Variants in TNS3 observed in about 807,000 individuals in gnomAD.
TNS3 encodes the protein tensin 3, also known as tensin-3.
In TNS3, 45 loss-of-function variants were observed where a neutral mutation model predicts 140.9. The observed-to-expected ratio is 0.32, with a 90% CI of 0.25 to 0.41. TNS3 has a LOEUF of 0.41. Ranked by LOEUF, TNS3 falls within the 10% of genes least tolerant of loss-of-function variation. The pLI is 1.00. For missense variants in TNS3, 1,716 were observed against 1,906.7 expected (o/e 0.90, Z 1.86); for synonymous variants, 815 against 788.4 (o/e 1.03, Z -0.56).
At chr7:47,418,513 C>T (rs1355624991) in intron 10 of TNS3, among the ~76,000 whole-genome samples, 1 of 152,170 alleles carries the variant, frequency 6.6e-6, no homozygotes, top group Non-Finnish European at 1.5e-5. Flanking sequence ...AATGTTCCTA[C>T]TTAGTCAACA....
intron 13 of TNS3, among the ~76,000 whole-genome samples, chr7:47,409,044 A>G (rs943878747): frequency 3.9e-5 from 6 of 152,020 alleles, no homozygotes; most frequent in Non-Finnish European, 7.4e-5. Flanking sequence ...CAAAACATTA[A>G]AAAAAAAGAC....
chr7:47,577,600 A>T (rs1001787273), intron 1 of TNS3, among the ~76,000 whole-genome samples: 2 of 152,172 alleles, frequency 1.3e-5, no homozygotes, highest in Non-Finnish European at 2.9e-5. Context: ...TATCCTCACA[A>T]CACACACAAG....
chr7:47,437,895 G>C (rs1217806440), intron 6 of TNS3, among the ~76,000 whole-genome samples: 1 of 151,050 alleles, frequency 6.6e-6, no homozygotes, highest in Non-Finnish European at 1.5e-5. Flanking sequence ...ACATGGTGGG[G>C]AAGGCTGTCC....
rs182460188 is a variant in TNS3, at chr7:47,548,535, T to G, written c.-264-19388A>C. Reference sequence around the variant, plus strand: ...CATTTTATTCCAATCCCAGCCGCATTTGAACACACCATCTCCTGATGCATT... The same window carrying G: ...CATTTTATTCCAATCCCAGCCGCATGTGAACACACCATCTCCTGATGCATT... On this transcript the variant is annotated intron_variant, in intron 1 of 30. Transcript: ENST00000311160. Among the ~76,000 whole-genome samples the G allele has an allele frequency of 5.3e-3, 802 of 152,296 alleles. 9 individuals are homozygous for G. The highest frequency in any genetic ancestry group is 0.018 in the African/African-American group (750 of 41,564).
chr7:47,389,287 T>C (rs1029509603), intron 16 of TNS3, among the ~76,000 whole-genome samples: 9 of 151,148 alleles, frequency 6.0e-5, no homozygotes, highest in African/African-American at 2.2e-4. Flanking sequence ...GGACACCCCG[T>C]CCAGTGGGAT....
rs76629047 is a variant in TNS3, at chr7:47,445,351, T to C, written c.-75-3296A>G. ...GACATCACCACCCCTATGTTACATG[T>C]TACAGGTTGGTAACATAGGGATGGT... On this transcript the variant is annotated intron_variant, in intron 4 of 30. Transcript: ENST00000311160. 3.5e-4 allele frequency among the ~76,000 whole-genome samples: 54 copies of C among 152,236 alleles called. No individual in the cohort carries two copies. In the East Asian group the frequency reaches 0.01, roughly 28 times the overall value.
At chr7:47,509,030 C>T (rs1013773367) in intron 2 of TNS3, among the ~76,000 whole-genome samples, 1 of 152,198 alleles carries the variant, frequency 6.6e-6, no homozygotes, top group Non-Finnish European at 1.5e-5. Context: ...TGATCACTGA[C>T]ACAGTGGGAG....
chr7:47,448,237 A>AG (rs919244693), intron 4 of TNS3, among the ~76,000 whole-genome samples: 4 of 152,218 alleles, frequency 2.6e-5, no homozygotes, highest in African/African-American at 7.2e-5. Flanking sequence ...GGGCATGCAG[A>AG]GGGGGAGCAC....
intron 20 of TNS3, among the ~76,000 whole-genome samples, chr7:47,327,101 C>T (rs956395560): frequency 2.9e-4 from 44 of 152,208 alleles, no homozygotes; most frequent in Admixed American, 2.8e-3. Flanking sequence ...GGCGCCAGCC[C>T]TGCCCGTGCT....
At position 47,359,870 on chromosome 7, in the gene TNS3, G is replaced by A. The variant is rs149326238; in HGVS notation, c.2281+8495C>T. Among the ~76,000 whole-genome samples the A allele has an allele frequency of 3.9e-3, 588 of 152,202 alleles. 2 individuals carry two copies. The highest frequency in any genetic ancestry group is 6.8e-3 in the Middle Eastern group (2 of 294). On this transcript the variant is annotated intron_variant, in intron 17 of 30. Coordinates refer to ENST00000311160, the MANE Select transcript of TNS3 (RefSeq NM_022748.12). Reference sequence around the variant, plus strand: ...GAAGGTCCCTTGATGTAGCTATCACGGGCAGTGTGGACTGAGCAGAAGGTG... The same window carrying A: ...GAAGGTCCCTTGATGTAGCTATCACAGGCAGTGTGGACTGAGCAGAAGGTG...
chr7:47,321,822 A>C (rs1053053393), intron 20 of TNS3, among the ~76,000 whole-genome samples: 13 of 152,198 alleles, frequency 8.5e-5, no homozygotes, highest in African/African-American at 3.1e-4. Flanking sequence ...TTCTTCCCCC[A>C]AAGACCATCC....
At chr7:47,520,971 G>T (rs565687348) in intron 2 of TNS3, among the ~76,000 whole-genome samples, 1 of 152,348 alleles carries the variant, frequency 6.6e-6, no homozygotes, top group African/African-American at 2.4e-5. Flanking sequence ...GGATCAATGA[G>T]CCAGGTGTTT....
chr7:47,377,334 G>A (rs925132554), intron 16 of TNS3, among the ~76,000 whole-genome samples: 5 of 152,264 alleles, frequency 3.3e-5, no homozygotes, highest in East Asian at 1.9e-4. Flanking sequence ...GGACTATGCC[G>A]AGTGAACACT....
At chr7:47,385,797 C>T (rs1201774913) in intron 16 of TNS3, among the ~76,000 whole-genome samples, 1 of 152,198 alleles carries the variant, frequency 6.6e-6, no homozygotes, top group Non-Finnish European at 1.5e-5. Flanking sequence ...TTCCTTCTGC[C>T]TCATCCTAGT....
At chr7:47,298,853 G>A (rs1786211031) in intron 23 of TNS3, among the ~76,000 whole-genome samples, 3 of 152,234 alleles carry the variant, frequency 2.0e-5, no homozygotes, top group South Asian at 4.1e-4. Flanking sequence ...ATGAGGGCAC[G>A]GGGAGGAGCT....
At chr7:47,468,277 G>A (rs945540229) in intron 4 of TNS3, among the ~76,000 whole-genome samples, 1 of 151,986 alleles carries the variant, frequency 6.6e-6, no homozygotes, top group African/African-American at 2.4e-5. Flanking sequence ...CCCGTCTCTA[G>A]TAAAAATACA....
intron 4 of TNS3, among the ~76,000 whole-genome samples, chr7:47,467,111 C>T (rs1332746303): frequency 6.6e-6 from 1 of 152,204 alleles, no homozygotes; most frequent in Non-Finnish European, 1.5e-5. Flanking sequence ...ACAGCTATTA[C>T]AACCTGGATG....
At chr7:47,371,496 C>T (rs1263292819) in intron 16 of TNS3, among the ~76,000 whole-genome samples, 1 of 152,176 alleles carries the variant, frequency 6.6e-6, no homozygotes, top group African/African-American at 2.4e-5. Flanking sequence ...TGCCCACCTG[C>T]CCAGAGAGCA....
At chr7:47,447,253 T>A (rs1041755240) in intron 4 of TNS3, among the ~76,000 whole-genome samples, 2 of 48,232 alleles carry the variant, frequency 4.1e-5, no homozygotes, top group Non-Finnish European at 1.3e-4. Flanking sequence ...CACATATGTT[T>A]GTTTGTTTGT....
Sources: gnomAD v4.1 joint callset for allele counts (sites outside exome capture counted in the v4.1 genomes callset) on GRCh38, gnomAD v4.1.1 for gene constraint, MANE v1.5 for transcripts, NCBI Gene and HGNC (gene_info 2026-07-23, HGNC 2026-07-21) for gene names.